The following MDGA2 variants were observed in gnomAD, a reference collection of about 807,000 sequenced individuals.
The protein encoded by MDGA2 is MAM domain containing glycosylphosphatidylinositol anchor 2.
Under a neutral mutation model 117.8 loss-of-function variants are expected in MDGA2, and 40 were observed. That is an observed-to-expected ratio of 0.34 (90% CI 0.26 to 0.44). The LOEUF is 0.44. Ranked by LOEUF, MDGA2 falls within the 20% of genes least tolerant of loss-of-function variation. The pLI, the probability that MDGA2 is intolerant of heterozygous loss-of-function variation, is 1.00. For synonymous variants in MDGA2, 452 were observed against 439.0 expected (o/e 1.03, Z -0.37); for missense variants, 1,123 against 1,250.6 (o/e 0.90, Z 1.54).
chr14:47,162,878 A>T (rs910476633), intron 3 of MDGA2, among the ~76,000 whole-genome samples: 2 of 152,238 alleles, frequency 1.3e-5, no homozygotes, highest in African/African-American at 4.8e-5. Flanking sequence ...GATTTTCAGT[A>T]TCACCAAATC....
chr14:47,381,646 A>G (rs1185359112), intron 1 of MDGA2, among the ~76,000 whole-genome samples: 1 of 152,158 alleles, frequency 6.6e-6, no homozygotes, highest in Non-Finnish European at 1.5e-5. Flanking sequence ...TAGGAATCCA[A>G]CTTACAAGGG....
At chr14:47,147,721 C>G (rs1045157872) in intron 3 of MDGA2, among the ~76,000 whole-genome samples, 22 of 152,074 alleles carry the variant, frequency 1.4e-4, no homozygotes, top group African/African-American at 5.3e-4. Flanking sequence ...GATCTACTTG[C>G]TAGGTGTGAT....
chr14:47,119,043 A>ACAT (rs949503625), intron 5 of MDGA2, among the ~76,000 whole-genome samples: 3 of 141,872 alleles, frequency 2.1e-5, no homozygotes, highest in Non-Finnish European at 4.5e-5. Flanking sequence ...TGTCCAGCCT[A>ACAT]CATATTCTCT....
At chr14:47,115,609 A>T (rs1881285978) in intron 5 of MDGA2, among the ~76,000 whole-genome samples, 1 of 152,056 alleles carries the variant, frequency 6.6e-6, no homozygotes. Context: ...ATCATTTGTT[A>T]AAAAGAAATG....
rs548962626 is a variant in MDGA2 at position 47,370,687 on chromosome 14, T to TA, written c.281-69138_281-69137insT. The stretch of plus-strand genomic sequence containing the variant: ...AAACTTCCTTCTAGCACAGCTTATA[T>TA]TTATTTCTTTTCTCTTTTTGCTCTG... On this transcript the variant is annotated intron_variant, in intron 1 of 16. Transcript: ENST00000399232. Among the ~76,000 whole-genome samples, 218 of 151,466 alleles carry TA rather than the reference T, an allele frequency of 1.4e-3. 1 individual carries two copies. Among genetic ancestry groups the TA allele is most frequent in the African/African-American group, 4.9e-3 (204 of 41,344 alleles).
intron 1 of MDGA2, among the ~76,000 whole-genome samples, chr14:47,531,946 T>C (rs1366007978): frequency 1.3e-5 from 2 of 152,198 alleles, no homozygotes; most frequent in African/African-American, 2.4e-5. Context: ...AACAAACATA[T>C]TACTACGATC....
At chr14:47,258,809 CTTA>C (rs914421821) in intron 2 of MDGA2, among the ~76,000 whole-genome samples, 2 of 151,382 alleles carry the variant, frequency 1.3e-5, no homozygotes, top group African/African-American at 4.9e-5. Context: ...CAGTATGCTG[CTTA>C]TTTTTTTTTC....
intron 8 of MDGA2, among the ~76,000 whole-genome samples, chr14:47,005,902 A>AT (rs1566570682): frequency 1.3e-5 from 2 of 151,662 alleles, no homozygotes; most frequent in African/African-American, 4.8e-5. Context: ...TATTGTTAAA[A>AT]TTTTTTTAAA....
At chr14:47,097,223 A>C (rs1594616527) in intron 5 of MDGA2, 100 bp from the exon 6 acceptor site, 2 of 1,314,738 alleles carry the variant, frequency 1.5e-6, no homozygotes, top group South Asian at 2.9e-5. Flanking sequence ...ATTAAAATGA[A>C]ATATAGTCCT....
At position 47,464,251 on chromosome 14, in the gene MDGA2, T is replaced by C. The variant is rs117802386; in HGVS notation, c.281-162701A>G. ...ATCCAGGATAAAATAACACAAGGGA[T>C]AGGAAAAATTAATCAAATTCTCTTT... On this transcript the variant is annotated intron_variant, in intron 1 of 16. Coordinates refer to ENST00000399232, the MANE Select transcript of MDGA2 (RefSeq NM_001113498.3). 5.7e-4 allele frequency among the ~76,000 whole-genome samples: 86 copies of C among 151,936 alleles called. 1 individual carries two copies. The East Asian group carries it at 0.015, about 26-fold the overall frequency.
chr14:47,201,302 T>C (rs1885498062), intron 3 of MDGA2, among the ~76,000 whole-genome samples: 1 of 152,152 alleles, frequency 6.6e-6, no homozygotes, highest in Admixed American at 6.5e-5. Flanking sequence ...CCTAATACCC[T>C]CTACTGAAAG....
At chr14:47,303,367 G>A (rs896518822) in intron 1 of MDGA2, among the ~76,000 whole-genome samples, 1 of 152,038 alleles carries the variant, frequency 6.6e-6, no homozygotes, top group Non-Finnish European at 1.5e-5. Flanking sequence ...TGTCCAGCTT[G>A]GTCTATAAAA....
At chr14:46,984,881 C>G (rs765307009) in intron 8 of MDGA2, among the ~76,000 whole-genome samples, 32 of 152,166 alleles carry the variant, frequency 2.1e-4, no homozygotes, top group Non-Finnish European at 3.5e-4. Context: ...GACCTAATAA[C>G]AGTCATTCTA....
chr14:47,279,052 A>G (rs1315395679), intron 2 of MDGA2, among the ~76,000 whole-genome samples: 1 of 152,184 alleles, frequency 6.6e-6, no homozygotes, highest in Non-Finnish European at 1.5e-5. Flanking sequence ...TAATGTTGCA[A>G]TGAAAACCCT....
At chr14:46,893,674 T>C (rs1454425775) in intron 10 of MDGA2, among the ~76,000 whole-genome samples, 1 of 152,058 alleles carries the variant, frequency 6.6e-6, no homozygotes, top group Non-Finnish European at 1.5e-5. Flanking sequence ...AAATTATTAA[T>C]AGTGTATTCA....
intron 9 of MDGA2, among the ~76,000 whole-genome samples, chr14:46,937,473 T>C (rs949813340): frequency 3.9e-5 from 6 of 151,982 alleles, no homozygotes; most frequent in African/African-American, 1.2e-4. Context: ...ATCCTAAAAT[T>C]TGCATGGAAC....
chr14:47,521,031 A>C (rs1289101935), intron 1 of MDGA2, among the ~76,000 whole-genome samples: 5 of 152,228 alleles, frequency 3.3e-5, no homozygotes, highest in African/African-American at 1.2e-4. Flanking sequence ...ATCCAAGGAT[A>C]GCAAAACCTG....
chr14:47,157,161 G>C (rs1016356563), intron 3 of MDGA2, among the ~76,000 whole-genome samples: 1 of 152,124 alleles, frequency 6.6e-6, no homozygotes, highest in Non-Finnish European at 1.5e-5. Flanking sequence ...GACAGGAAAT[G>C]TTTCATATCT....
intron 1 of MDGA2, among the ~76,000 whole-genome samples, chr14:47,528,628 T>C (rs1198454277): frequency 6.6e-6 from 1 of 152,184 alleles, no homozygotes; most frequent in African/African-American, 2.4e-5. Context: ...GTAAAACAAA[T>C]GTTTTAAAAG....
Sources: allele counts gnomAD v4.1 joint callset (sites outside exome capture counted in the v4.1 genomes callset), GRCh38; gene constraint gnomAD v4.1.1; transcripts MANE v1.5; gene names NCBI Gene and HGNC (gene_info 2026-07-23, HGNC 2026-07-21).